The following INPP5F variants were observed in gnomAD, a reference collection of about 807,000 sequenced individuals.
The protein encoded by INPP5F is inositol polyphosphate-5-phosphatase F, also known as phosphatidylinositide 4-phosphatase SAC2.
INPP5F carries 97 observed loss-of-function variants against 137.2 expected under a neutral mutation model. The observed-to-expected ratio is 0.71, with a 90% CI of 0.60 to 0.84. The LOEUF is 0.84. Among genes scored for constraint, INPP5F ranks in the 40% least tolerant of loss-of-function variants. The probability of loss-of-function intolerance (pLI) is 0.00; values close to 1 mark genes in which losing one functional copy is unlikely to be tolerated. For missense variants in INPP5F, 1,271 were observed against 1,371.9 expected (o/e 0.93, Z 1.16); for synonymous variants, 504 against 476.9 (o/e 1.06, Z -0.74).
chr10:119,779,387 T>G (rs1178766451), intron 2 of INPP5F, among the ~76,000 whole-genome samples: 1 of 152,076 alleles, frequency 6.6e-6, no homozygotes, highest in African/African-American at 2.4e-5. Flanking sequence ...CTTTAAAATC[T>G]TTTCTTTCTT....
At chr10:119,795,614 G>T (rs1275030047) in intron 6 of INPP5F, among the ~76,000 whole-genome samples, 1 of 150,052 alleles carries the variant, frequency 6.7e-6, no homozygotes, top group Non-Finnish European at 1.5e-5. Flanking sequence ...AGGCAGAGGG[G>T]CTCCTCACAT....
At chr10:119,795,051 A>T (rs1850304127) in intron 6 of INPP5F, among the ~76,000 whole-genome samples, 1 of 115,728 alleles carries the variant, frequency 8.6e-6, no homozygotes, top group South Asian at 3.5e-4. Context: ...TCCCTCCCGG[A>T]TGGGGCGGCT....
intron 2 of INPP5F, among the ~76,000 whole-genome samples, chr10:119,755,005 C>T (rs565974818): frequency 1.2e-4 from 19 of 152,338 alleles, no homozygotes; most frequent in Admixed American, 3.3e-4. Context: ...TACTTATTCT[C>T]CACATATTAA....
intron 6 of INPP5F, among the ~76,000 whole-genome samples, chr10:119,795,142 C>T (rs1850315172): frequency 6.7e-6 from 1 of 148,854 alleles, no homozygotes; most frequent in African/African-American, 2.5e-5. Flanking sequence ...ACCCCCCCAC[C>T]TCCCTCCCAG....
chr10:119,795,180 T>C lies in INPP5F; in HGVS notation c.670-1535T>C, dbSNP rs1413256889. ...GGGGCGGCTGGCCGGGCAGAGGGGCTCCTCACTTCCCAGAAGGGGCAGCCG... is the reference window on the plus strand; with the variant it reads ...GGGGCGGCTGGCCGGGCAGAGGGGCCCCTCACTTCCCAGAAGGGGCAGCCG... On this transcript the variant is annotated intron_variant, in intron 6 of 19. Transcript: ENST00000650623. Among the ~76,000 whole-genome samples the C allele has an allele frequency of 2.2e-5, 3 of 138,946 alleles. No individual in the cohort carries two copies. The East Asian group carries it at 6.8e-4, about 31-fold the overall frequency. The allele number at this position is 138,946 out of a possible 152,430, so 91.2% of individuals were successfully genotyped here.
At chr10:119,740,922 T>C (rs940176807) in intron 1 of INPP5F, among the ~76,000 whole-genome samples, 3 of 152,344 alleles carry the variant, frequency 2.0e-5, no homozygotes, top group Admixed American at 2.0e-4. Context: ...GAGTTTTAAA[T>C]ACATACACAT....
intron 1 of INPP5F, among the ~76,000 whole-genome samples, chr10:119,727,586 G>T (rs1589653522): frequency 3.3e-5 from 5 of 152,354 alleles, no homozygotes; most frequent in Admixed American, 3.3e-4. Flanking sequence ...AGGCCCCACT[G>T]CTTTCTTAGG....
intron 2 of INPP5F, among the ~76,000 whole-genome samples, chr10:119,754,627 C>T (rs1216701405): frequency 3.3e-5 from 5 of 152,200 alleles, no homozygotes; most frequent in South Asian, 2.1e-4. Flanking sequence ...GTCACTTGAA[C>T]GGTTTGGCTC....
Position 119,828,183 on chromosome 10 carries a change from T to C in INPP5F, c.*403T>C, listed in dbSNP as rs1161610876. On this transcript the variant is annotated 3_prime_UTR_variant, in exon 20 of 20. Coordinates refer to ENST00000650623, the MANE Select transcript of INPP5F (RefSeq NM_014937.4). ...TTGTCAGTTCATTCCTGTGTGTTCT[T>C]ACCTCTACAAAGTAAATTACACATT... The C allele has an allele frequency of 6.2e-6, 1 of 160,456 alleles. No homozygotes were observed. The highest frequency in any genetic ancestry group is 1.4e-5 in the Non-Finnish European group (1 of 73,166). 9.9% of individuals were successfully genotyped at this position (160,456 alleles called of 1,614,324 possible).
intron 2 of INPP5F, among the ~76,000 whole-genome samples, chr10:119,760,177 C>G (rs1373811355): frequency 6.6e-6 from 1 of 152,218 alleles, no homozygotes; most frequent in Non-Finnish European, 1.5e-5. Context: ...CTATTCCACT[C>G]TCATTCCTTT....
chr10:119,731,714 A>C (rs1004579483), intron 1 of INPP5F, among the ~76,000 whole-genome samples: 4 of 152,232 alleles, frequency 2.6e-5, no homozygotes, highest in African/African-American at 9.6e-5. Context: ...GACAGAATTT[A>C]ATAGGGCACT....
chr10:119,754,980 C>T (rs1050093038), intron 2 of INPP5F, among the ~76,000 whole-genome samples: 3 of 152,216 alleles, frequency 2.0e-5, no homozygotes, highest in Admixed American at 2.0e-4. Flanking sequence ...CTGAAACTCT[C>T]TCCTGTTTCC....
At chr10:119,814,547 C>T (rs1317529828) in intron 15 of INPP5F, 4 of 152,210 alleles carry the variant, frequency 2.6e-5, no homozygotes, top group African/African-American at 9.7e-5. Flanking sequence ...CTCATTGCTG[C>T]CTTTGGGCTG....
chr10:119,808,249 G>A (rs1589739660), intron 13 of INPP5F, among the ~76,000 whole-genome samples, 189 bp downstream of exon 13: 1 of 152,348 alleles, frequency 6.6e-6, no homozygotes, highest in East Asian at 1.9e-4. Flanking sequence ...CAGAGGGAGA[G>A]GGGGCTGTGT....
In INPP5F at chr10:119,805,371, G is replaced by A; in HGVS notation, c.1242-13G>A. ...AATTAAAGATTTTTTCTTTCTTTTG[G>A]CATGGATTTTAGCCGAGGAATGAAG... On this transcript the variant is annotated splice_polypyrimidine_tract_variant and intron_variant, in intron 10 of 19. Transcript: ENST00000650623. 1.2e-6 allele frequency: 2 copies of A among 1,601,168 alleles called. No individual in the cohort carries two copies. The highest frequency in any genetic ancestry group is 1.7e-6 in the Non-Finnish European group (2 of 1,170,312).
At chr10:119,805,945 C>G (rs1054988043) in intron 11 of INPP5F, among the ~76,000 whole-genome samples, 11 of 152,198 alleles carry the variant, frequency 7.2e-5, no homozygotes, top group Admixed American at 3.3e-4. Flanking sequence ...GATGAGCAAG[C>G]CATGCTGTGT....
At chr10:119,805,324 G>A in intron 10 of INPP5F, 60 bp from the exon 11 acceptor site, 2 of 1,377,978 alleles carry the variant, frequency 1.5e-6, no homozygotes, top group African/African-American at 1.5e-5. Flanking sequence ...CATATCTTAA[G>A]TTTTAAAAAA....
chr10:119,792,567 GTT>G (rs397847812), intron 6 of INPP5F, among the ~76,000 whole-genome samples: 33 of 124,574 alleles, frequency 2.6e-4, no homozygotes, highest in Admixed American at 4.1e-4. Context: ...AATGGTACCA[GTT>G]TTTTTTTTTT....
chr10:119,812,917 CAA>C (rs748648032), intron 15 of INPP5F, among the ~76,000 whole-genome samples: 45 of 130,718 alleles, frequency 3.4e-4, no homozygotes, highest in South Asian at 4.6e-4. Flanking sequence ...AATATAGCAC[CAA>C]AAAAAAAAAA....
Sources: allele counts gnomAD v4.1 joint callset (sites outside exome capture counted in the v4.1 genomes callset), GRCh38; gene constraint gnomAD v4.1.1; transcripts MANE v1.5; gene names NCBI Gene and HGNC (gene_info 2026-07-23, HGNC 2026-07-21).